ODR4: variants seen among roughly 807,000 people sequenced by gnomAD.
The protein encoded by ODR4 is odr-4 GPCR localization factor homolog.
Under a neutral mutation model 60.2 loss-of-function variants are expected in ODR4, and 47 were observed. The observed-to-expected ratio is 0.78, with a 90% CI of 0.62 to 1.00. The LOEUF is 1.00. Among genes scored for constraint, ODR4 ranks in the 50% least tolerant of loss-of-function variants. The pLI is 0.00. For synonymous variants in ODR4, 178 were observed against 175.5 expected (o/e 1.01, Z -0.11); for missense variants, 488 against 530.8 (o/e 0.92, Z 0.79).
rs777228874 is a variant in ODR4 at position 186,401,224 on chromosome 1, A to G, written c.1000+2180A>G. On this transcript the variant is annotated intron_variant, in intron 11 of 13. Transcript: ENST00000287859. ...ATTAGTAAAATTAATGGCCCCTAAC[A>G]GCAGTTGTACTGTTTGTATGTTAAA... 8.1e-6 allele frequency: 12 copies of G among 1,489,844 alleles called. No homozygotes were observed. In the East Asian group the frequency reaches 2.8e-4, roughly 35 times the overall value. 92.3% of individuals were successfully genotyped at this position (1,489,844 alleles called of 1,614,324 possible). A position where few individuals can be genotyped will look rare whatever the true frequency, so the allele number is the denominator to read the frequency against.
chr1:186,381,015 A>T (rs1246744338), intron 2 of ODR4, among the ~76,000 whole-genome samples: 1 of 152,240 alleles, frequency 6.6e-6, no homozygotes, highest in Non-Finnish European at 1.5e-5. Flanking sequence ...ACATGGTTCA[A>T]CCAGGTAGCA....
At chr1:186,395,745 C>T (rs1446581714) in intron 9 of ODR4, among the ~76,000 whole-genome samples, 7 of 152,138 alleles carry the variant, frequency 4.6e-5, no homozygotes, top group Non-Finnish European at 8.8e-5. Context: ...CATTTATCTA[C>T]TCTATCCTGT....
chr1:186,430,935 A>G, the ODR4 span, among the ~76,000 whole-genome samples: 39 of 151,702 alleles, frequency 2.6e-4, no homozygotes, highest in Admixed American at 1.3e-4. Flanking sequence ...TACTGTGCAT[A>G]TACAGATTAA....
intron 2 of ODR4, 47 bp downstream of exon 2, chr1:186,379,931 AT>A: frequency 1.8e-6 from 2 of 1,105,110 alleles, no homozygotes; most frequent in Non-Finnish European, 2.6e-6. Context: ...TTACTCTGTA[AT>A]TTATTTTAAA....
chr1:186,391,679 G>A lies in ODR4; in HGVS notation c.616-17G>A, dbSNP rs1660473221. ...GGCATTGTATCTGAAAGATTTCCAT[G>A]TTGTGTTTCTGTTAAGAATGGACTT... On this transcript the variant is annotated splice_polypyrimidine_tract_variant and intron_variant, in intron 7 of 13. Transcript: ENST00000287859. The A allele has an allele frequency of 1.3e-6, 2 of 1,501,784 alleles. No individual in the cohort carries two copies. Among genetic ancestry groups the A allele is most frequent in the Non-Finnish European group, 1.8e-6 (2 of 1,087,758 alleles). The allele number at this position is 1,501,784 out of a possible 1,614,324, so 93.0% of individuals were successfully genotyped here. A position where few individuals can be genotyped will look rare whatever the true frequency, so the allele number is the denominator to read the frequency against.
chr1:186,390,621 A>AC, intron 6 of ODR4, 90 bp from the exon 7 acceptor site: 1 of 1,344,198 alleles, frequency 7.4e-7, no homozygotes, highest in East Asian at 2.3e-5. Flanking sequence ...TGTATGCGTT[A>AC]TTTAGGTTGT....
the ODR4 span, among the ~76,000 whole-genome samples, chr1:186,433,603 CAG>C: frequency 2.0e-5 from 3 of 152,132 alleles, 1 homozygote; most frequent in South Asian, 6.2e-4. Context: ...TATTTTGAGA[CAG>C]AGTCTCACTC....
chr1:186,416,390 G>T (rs892313089), intron 12 of ODR4, among the ~76,000 whole-genome samples: 2 of 152,034 alleles, frequency 1.3e-5, no homozygotes, highest in Non-Finnish European at 2.9e-5. Flanking sequence ...ACAAAAATTA[G>T]GCCAGGTGTG....
At chr1:186,430,157 T>C in the ODR4 span, among the ~76,000 whole-genome samples, 2 of 150,202 alleles carry the variant, frequency 1.3e-5, no homozygotes, top group African/African-American at 5.0e-5. Flanking sequence ...TAAGGACACA[T>C]AGAGTAGATA....
intron 4 of ODR4, among the ~76,000 whole-genome samples, chr1:186,387,544 A>G (rs999328785): frequency 1.3e-5 from 2 of 152,186 alleles, no homozygotes; most frequent in Admixed American, 6.5e-5. Context: ...CTGAGTTTCA[A>G]TTATCTAATT....
At chr1:186,403,988 T>C (rs940734578) in intron 11 of ODR4, among the ~76,000 whole-genome samples, 2 of 152,152 alleles carry the variant, frequency 1.3e-5, no homozygotes, top group Non-Finnish European at 2.9e-5. Context: ...TGTCCTCTTA[T>C]CCTTTAAGCT....
chr1:186,384,762 T>TA (rs1428483064), intron 3 of ODR4, among the ~76,000 whole-genome samples: 2 of 152,304 alleles, frequency 1.3e-5, no homozygotes, highest in African/African-American at 2.4e-5. Flanking sequence ...GCAGGCTCCT[T>TA]ATGCTAAATA....
chr1:186,408,903 T>G (rs970863776), intron 12 of ODR4, among the ~76,000 whole-genome samples: 1 of 152,084 alleles, frequency 6.6e-6, no homozygotes, highest in African/African-American at 2.4e-5. Context: ...TATTTCTGTC[T>G]TAAGTATTTT....
intron 9 of ODR4, among the ~76,000 whole-genome samples, chr1:186,397,211 A>G (rs1405344651): frequency 2.0e-5 from 3 of 152,214 alleles, no homozygotes; most frequent in Middle Eastern, 3.2e-3. Context: ...TTCAATAGCT[A>G]TGCATGTCAG....
At chr1:186,383,394 TGAA>T (rs1366453953) in intron 3 of ODR4, among the ~76,000 whole-genome samples, 2 of 152,082 alleles carry the variant, frequency 1.3e-5, no homozygotes, top group Non-Finnish European at 2.9e-5. Flanking sequence ...ATTTATTGAA[TGAA>T]TTATATATCA....
intron 1 of ODR4, among the ~76,000 whole-genome samples, chr1:186,377,018 G>GTC (rs1659802064): frequency 6.6e-6 from 1 of 152,102 alleles, no homozygotes; most frequent in African/African-American, 2.4e-5. Flanking sequence ...TATCCGTGGG[G>GTC]CATTGGTTCC....
intron 3 of ODR4, among the ~76,000 whole-genome samples, chr1:186,384,387 C>T (rs3115751): frequency 0.036 from 5,503 of 152,142 alleles, 119 homozygotes; most frequent in Non-Finnish European, 0.048. Flanking sequence ...GAGGGATCTG[C>T]CCCATGACCC....
chr1:186,390,761 A>G lies in ODR4; in HGVS notation c.525A>G (p.Ser175=), dbSNP rs781039619. The change falls in exon 7 of 14, where the codon TCA becomes TCG. Residue 175 remains serine (S), a synonymous_variant. Coordinates refer to ENST00000287859, the MANE Select transcript of ODR4 (RefSeq NM_017847.6). ...DWKYQSGLSS[S]WLSLECTVHI... ...AGTATCAAAGTGGATTATCATCCTC[A>G]TGGCTTTCTTTAGAGTGTACAGTTC... is the stretch of plus-strand genomic sequence containing the variant. 6.2e-7 allele frequency: 1 copy of G among 1,613,376 alleles called. No homozygotes were observed.
chr1:186,406,977 C>T (rs1047564193), intron 12 of ODR4, among the ~76,000 whole-genome samples: 2 of 152,054 alleles, frequency 1.3e-5, no homozygotes, highest in Admixed American at 1.3e-4. Flanking sequence ...AGTTAATTCT[C>T]CCTTCAGGAA....
Sources: allele counts gnomAD v4.1 joint callset (sites outside exome capture counted in the v4.1 genomes callset), GRCh38; gene constraint gnomAD v4.1.1; transcripts MANE v1.5; gene names NCBI Gene and HGNC (gene_info 2026-07-23, HGNC 2026-07-21).